PBRM1: variants seen among roughly 807,000 people sequenced by gnomAD.
The protein encoded by PBRM1 is protein polybromo-1.
Under a neutral mutation model 194.5 loss-of-function variants are expected in PBRM1, and 27 were observed. The ratio of observed to expected loss-of-function variants is 0.14; its 90% CI spans 0.10 to 0.19. The LOEUF (loss-of-function observed/expected upper bound fraction) is 0.19, where lower values mean the gene tolerates loss of function less well. PBRM1 is among the 10% of genes least tolerant of loss of function. PBRM1 has a pLI of 1.00. For missense variants in PBRM1, 1,466 were observed against 2,077.2 expected, an observed-to-expected ratio of 0.71 and a Z score of 5.72; for synonymous variants, 655 against 693.2, an observed-to-expected ratio of 0.94 and a Z score of 0.87.
At chr3:52,624,794 T>G in intron 13 of PBRM1, 103 bp downstream of exon 15, 1 of 780,326 alleles carries the variant, frequency 1.3e-6, no homozygotes, top group South Asian at 1.6e-5. Flanking sequence ...ATAAAGACTT[T>G]TTTTCACATG....
intron 19 of PBRM1, among the ~76,000 whole-genome samples, chr3:52,587,149 C>T (rs1048657203): frequency 2.6e-5 from 4 of 152,096 alleles, no homozygotes; most frequent in Non-Finnish European, 5.9e-5. Flanking sequence ...TGCATTATAG[C>T]CAAATAGTGT....
intron 16 of PBRM1, among the ~76,000 whole-genome samples, chr3:52,604,990 T>TAAATAAATAAATAAAA (rs1474250093): frequency 3.3e-5 from 5 of 152,068 alleles, no homozygotes; most frequent in South Asian, 2.1e-4. Flanking sequence ...AATAAATAAA[T>TAAATAAATAAATAAAA]AAAATGTGGG....
chr3:52,603,044 A>G (rs898521319), intron 17 of PBRM1, among the ~76,000 whole-genome samples: 3 of 152,250 alleles, frequency 2.0e-5, no homozygotes, highest in African/African-American at 7.2e-5. Flanking sequence ...GACCCAAAGT[A>G]ACATTTTATA....
At chr3:52,584,909 A>G (rs1471050070) in intron 20 of PBRM1, among the ~76,000 whole-genome samples, 1 of 152,188 alleles carries the variant, frequency 6.6e-6, no homozygotes. Flanking sequence ...CAGGCTTGAG[A>G]CACAAATATG....
intron 15 of PBRM1, among the ~76,000 whole-genome samples, chr3:52,612,258 CAAAAAAAAAAAAAAAA>C (rs566481465): frequency 1.2e-4 from 3 of 24,012 alleles, no homozygotes; most frequent in East Asian, 2.9e-3. Context: ...GATTCCGTCT[CAAAAAAAAAAAAAAAA>C]AAAAAAAAGA....
chr3:52,579,188 ATCT>A (rs1156298616), exon 21 of PBRM1: 3 of 1,614,052 alleles, frequency 1.9e-6, no homozygotes, highest in East Asian at 2.2e-5. Flanking sequence ...CCACAGGGAC[ATCT>A]TCTTTTTCCT....
At chr3:52,659,540 G>A (rs2096674707) in intron 4 of PBRM1, among the ~76,000 whole-genome samples, 1 of 152,038 alleles carries the variant, frequency 6.6e-6, no homozygotes, top group Non-Finnish European at 1.5e-5. Flanking sequence ...TCCCACATCA[G>A]TTTTTCAAGT....
chr3:52,603,119 G>C (rs1405747449), intron 17 of PBRM1, among the ~76,000 whole-genome samples: 1 of 152,182 alleles, frequency 6.6e-6, no homozygotes, highest in Non-Finnish European at 1.5e-5. Context: ...TCATCTACTT[G>C]TCTGGTCCAA....
chr3:52,572,535 C>T (rs542654326), intron 22 of PBRM1, among the ~76,000 whole-genome samples: 1 of 152,258 alleles, frequency 6.6e-6, no homozygotes, highest in Admixed American at 6.5e-5. Flanking sequence ...CCACAGCTGG[C>T]TAATTTTTTT....
upstream of PBRM1, chr3:52,682,371 G>C (rs190715529): frequency 7.9e-6 from 1 of 126,378 alleles, no homozygotes; most frequent in Non-Finnish European, 1.7e-5. Flanking sequence ...AATTTGACAA[G>C]GTTAAAAAAA....
intron 14 of PBRM1, among the ~76,000 whole-genome samples, chr3:52,616,650 G>A (rs1417630883): frequency 6.6e-6 from 1 of 152,102 alleles, no homozygotes; most frequent in African/African-American, 2.4e-5. Context: ...CTGAGATGGC[G>A]CCACTGCACT....
chr3:52,576,438 G>T, intron 22 of PBRM1, 103 bp downstream of exon 24: 1 of 705,786 alleles, frequency 1.4e-6, no homozygotes, highest in South Asian at 3.2e-5. Flanking sequence ...TTGGATTTGG[G>T]CACTGCTCTA....
At chr3:52,645,612 G>A (rs2096269150) in intron 7 of PBRM1, among the ~76,000 whole-genome samples, 1 of 150,756 alleles carries the variant, frequency 6.6e-6, no homozygotes, top group African/African-American at 2.4e-5. Context: ...CTTGTGTTTT[G>A]GGGCCATTAT....
rs913677098 is a variant in PBRM1 at position 52,656,523 on chromosome 3, GGT to G, written c.645+1674_645+1675del. Among the ~76,000 whole-genome samples, 182 of 152,282 alleles carry G rather than the reference GGT, an allele frequency of 1.2e-3. 4 individuals are homozygous for G. Among genetic ancestry groups the G allele is most frequent in the African/African-American group, 4.2e-3 (176 of 41,566 alleles). Reference sequence around the variant, plus strand: ...TACTAAAAAATACAAAAATTAGCCAGGTGTGGTGGTGCATGCCTGTAATCCCA... The same window carrying G: ...TACTAAAAAATACAAAAATTAGCCAGGTGGTGGTGCATGCCTGTAATCCCA... On this transcript the variant is annotated intron_variant, in intron 5 of 29. Transcript: ENST00000296302.
At chr3:52,674,643 A>AAAAAAATATATAT (rs1193129880) in intron 2 of PBRM1, among the ~76,000 whole-genome samples, 1 of 72,420 alleles carries the variant, frequency 1.4e-5, no homozygotes, top group African/African-American at 4.1e-5. Flanking sequence ...AAAAAAAAAA[A>AAAAAAATATATAT]ATATATATAT....
At chr3:52,672,125 A>T (rs1448674793) in intron 2 of PBRM1, among the ~76,000 whole-genome samples, 1 of 152,234 alleles carries the variant, frequency 6.6e-6, no homozygotes, top group African/African-American at 2.4e-5. Flanking sequence ...CGGAGCATCT[A>T]GCGAAAAAGG....
At chr3:52,621,669 C>T (rs1031344538) in intron 13 of PBRM1, among the ~76,000 whole-genome samples, 1 of 152,184 alleles carries the variant, frequency 6.6e-6, no homozygotes, top group Non-Finnish European at 1.5e-5. Context: ...TTTTTAAAAT[C>T]AGCACCTTTA....
intron 10 of PBRM1, among the ~76,000 whole-genome samples, chr3:52,636,307 C>G (rs1270433619): frequency 1.3e-5 from 2 of 152,048 alleles, no homozygotes; most frequent in Non-Finnish European, 2.9e-5. Flanking sequence ...AACACCAAAG[C>G]AAACAAAACG....
intron 3 of PBRM1, 150 bp downstream of exon 4, chr3:52,668,348 A>C (rs1311185832): frequency 3.5e-6 from 2 of 568,044 alleles, no homozygotes; most frequent in Non-Finnish European, 6.1e-6. Flanking sequence ...AAATCATATG[A>C]ATGTCCAGTC....
Sources: allele counts gnomAD v4.1 joint callset (sites outside exome capture counted in the v4.1 genomes callset), GRCh38; gene constraint gnomAD v4.1.1; transcripts MANE v1.5; gene names NCBI Gene and HGNC (gene_info 2026-07-23, HGNC 2026-07-21).